Variants in TIMM23B observed in about 807,000 individuals in gnomAD.
TIMM23B encodes mitochondrial import inner membrane translocase subunit Tim23B.
Under a neutral mutation model 27.3 loss-of-function variants are expected in TIMM23B, and 27 were observed. The ratio of observed to expected loss-of-function variants is 0.99; its 90% CI spans 0.73 to 1.36. The LOEUF (loss-of-function observed/expected upper bound fraction) is 1.36, where lower values mean the gene tolerates loss of function less well. Among genes scored for constraint, TIMM23B ranks in the 40% most tolerant of loss-of-function variants. The pLI, the probability that TIMM23B is intolerant of heterozygous loss-of-function variation, is 0.00. For synonymous variants in TIMM23B, 73 were observed against 92.4 expected (o/e 0.79, Z 1.21); for missense variants, 205 against 244.2 (o/e 0.84, Z 1.07).
chr10:49,942,396 C>G, intron 1 of TIMM23B, 96 bp downstream of exon 1: 1 of 1,540,922 alleles, frequency 6.5e-7, no homozygotes, highest in Admixed American at 2.0e-5. Flanking sequence ...GTTTTTTTTT[C>G]CTTGCTGGCG....
rs1299041791 is a variant in TIMM23B at position 49,942,310 on chromosome 10, G to C, written c.106+10G>C. ...TTGGCTGGCGTCCCGCGTAAGTATG[G>C]GGCCTAGCTTGCGATTATTTCTGAC... On this transcript the variant is annotated intron_variant, in intron 1 of 6. Coordinates refer to ENST00000651259, the MANE Select transcript of TIMM23B (RefSeq NM_001290117.2). 21 of 1,605,216 alleles carry C rather than the reference G, an allele frequency of 1.3e-5. No individual in the cohort carries two copies. The African/African-American group carries it at 2.7e-4, about 20-fold the overall frequency.
At chr10:49,950,200 CTT>C (rs1169522720) in intron 2 of TIMM23B, among the ~76,000 whole-genome samples, 37 of 117,938 alleles carry the variant, frequency 3.1e-4, no homozygotes, top group Admixed American at 4.3e-4. Context: ...AAAGTTTTTT[CTT>C]TTTTTTTTTT....
chr10:49,969,304 G>T (rs1840309071), intron 6 of TIMM23B, among the ~76,000 whole-genome samples: 1 of 152,096 alleles, frequency 6.6e-6, no homozygotes, highest in Admixed American at 6.5e-5. Context: ...AGTCTTGGTG[G>T]TGGGCACCTG....
At chr10:49,964,074 G>GA (rs1270548192) in intron 6 of TIMM23B, among the ~76,000 whole-genome samples, 1 of 151,798 alleles carries the variant, frequency 6.6e-6, no homozygotes, top group African/African-American at 2.4e-5. Flanking sequence ...GAAATGGATT[G>GA]AAATTGAATG....
At chr10:49,960,731 G>GA in intron 6 of TIMM23B, among the ~76,000 whole-genome samples, 1 of 151,908 alleles carries the variant, frequency 6.6e-6, no homozygotes, top group African/African-American at 2.4e-5. Flanking sequence ...GAGAAATCAG[G>GA]AAAATTTCTA....
At chr10:49,945,173 A>G (rs1283747425) in intron 2 of TIMM23B, 83 bp downstream of exon 2, 2 of 1,426,722 alleles carry the variant, frequency 1.4e-6, no homozygotes, top group East Asian at 2.3e-5. Flanking sequence ...TTGAACTATG[A>G]CATACACTTC....
At chr10:49,950,232 A>G (rs1403006635) in intron 2 of TIMM23B, among the ~76,000 whole-genome samples, 1 of 145,826 alleles carries the variant, frequency 6.9e-6, no homozygotes, top group Non-Finnish European at 1.5e-5. Flanking sequence ...CCCAGCAAGT[A>G]CATTGATACC....
At chr10:49,957,969 C>T (rs1839781207) in intron 5 of TIMM23B, among the ~76,000 whole-genome samples, 2 of 152,112 alleles carry the variant, frequency 1.3e-5, no homozygotes, top group South Asian at 2.1e-4. Context: ...GGGGGTCTTA[C>T]AGCCTGCAAT....
At chr10:49,946,028 A>G (rs1247596793) in intron 2 of TIMM23B, among the ~76,000 whole-genome samples, 1 of 152,228 alleles carries the variant, frequency 6.6e-6, no homozygotes, top group Non-Finnish European at 1.5e-5. Flanking sequence ...TGTTTCTACT[A>G]AAAATACAAA....
At chr10:49,947,096 C>T (rs1839376458) in intron 2 of TIMM23B, among the ~76,000 whole-genome samples, 1 of 152,142 alleles carries the variant, frequency 6.6e-6, no homozygotes, top group Non-Finnish European at 1.5e-5. Flanking sequence ...TGAACCCTAA[C>T]CCTGCACCAT....
At chr10:49,960,210 A>ATTTTTT (rs71258794) in intron 6 of TIMM23B, among the ~76,000 whole-genome samples, 1 of 137,876 alleles carries the variant, frequency 7.3e-6, no homozygotes, top group African/African-American at 2.7e-5. Context: ...CACCCAGCTA[A>ATTTTTT]TTTTTTTTTT....
chr10:49,971,778 T>C (rs1554856636), intron 6 of TIMM23B, among the ~76,000 whole-genome samples: 1 of 152,216 alleles, frequency 6.6e-6, no homozygotes, highest in Non-Finnish European at 1.5e-5. Flanking sequence ...AAAACCTCAG[T>C]TTACCTTCCC....
At chr10:49,956,288 A>G (rs1413546737) in intron 5 of TIMM23B, among the ~76,000 whole-genome samples, 2 of 152,072 alleles carry the variant, frequency 1.3e-5, no homozygotes, top group African/African-American at 4.8e-5. Flanking sequence ...TTTAACGTTC[A>G]TTCCAGATAG....
chr10:49,942,258 G>C lies in TIMM23B; in HGVS notation c.64G>C (p.Gly22Arg). 6.2e-7 allele frequency: 1 copy of C among 1,612,698 alleles called. No individual in the cohort carries two copies. Among genetic ancestry groups the C allele is most frequent in the Non-Finnish European group, 8.5e-7 (1 of 1,179,342 alleles). The change falls in exon 1 of 7, where the codon GGC (glycine) becomes CGC (arginine). Residue 22 changes from glycine to arginine, a missense_variant. Coordinates refer to ENST00000651259, the MANE Select transcript of TIMM23B (RefSeq NM_001290117.2). ...TGVLAGFFGA[G>R]EAGYSHADLA... is the part of the protein sequence containing the mutation. ...GGTATTGGCCGGCTTTTTCGGAGCCGGCGAAGCAGGTTACTCGCACGCGGA... is the reference window on the plus strand; with the variant it reads ...GGTATTGGCCGGCTTTTTCGGAGCCCGCGAAGCAGGTTACTCGCACGCGGA...
intron 6 of TIMM23B, among the ~76,000 whole-genome samples, chr10:49,960,193 G>A (rs1189562030): frequency 1.3e-4 from 19 of 149,608 alleles, no homozygotes; most frequent in Admixed American, 5.4e-4. Context: ...ACAGGCACAC[G>A]CCTCCACACC....
chr10:49,965,091 G>A (rs1840081217), intron 6 of TIMM23B, among the ~76,000 whole-genome samples: 1 of 152,066 alleles, frequency 6.6e-6, no homozygotes, highest in African/African-American at 2.4e-5. Context: ...ATGATGGCAG[G>A]TGCCTGTAAT....
intron 2 of TIMM23B, among the ~76,000 whole-genome samples, chr10:49,949,331 G>A (rs1205067470): frequency 1.3e-5 from 2 of 151,184 alleles, no homozygotes; most frequent in African/African-American, 2.4e-5. Context: ...TTGATGGTTC[G>A]GACCTTGCCA....
intron 2 of TIMM23B, among the ~76,000 whole-genome samples, chr10:49,945,802 A>G (rs1839338425): frequency 6.6e-6 from 1 of 152,190 alleles, no homozygotes; most frequent in Non-Finnish European, 1.5e-5. Context: ...TAATAAAGCA[A>G]TCAAGGAAAG....
At chr10:49,963,627 C>T (rs1368877040) in intron 6 of TIMM23B, among the ~76,000 whole-genome samples, 4 of 152,066 alleles carry the variant, frequency 2.6e-5, no homozygotes, top group Admixed American at 6.5e-5. Flanking sequence ...GAGACTCCGT[C>T]TTGAAATGAA....
Sources: gnomAD v4.1 joint callset for allele counts (sites outside exome capture counted in the v4.1 genomes callset) on GRCh38, gnomAD v4.1.1 for gene constraint, MANE v1.5 for transcripts, NCBI Gene and HGNC (gene_info 2026-07-23, HGNC 2026-07-21) for gene names.